ERBB2: variants seen among roughly 807,000 people sequenced by gnomAD.
ERBB2 encodes the protein receptor tyrosine-protein kinase erbB-2.
A neutral mutation model predicts 149.0 loss-of-function variants in ERBB2; 61 were observed. That is an observed-to-expected ratio of 0.41 (90% CI 0.33 to 0.51). The LOEUF is 0.51. Among genes scored for constraint, ERBB2 ranks in the 20% least tolerant of loss-of-function variants. The pLI is 0.25. For synonymous variants in ERBB2, 633 were observed against 678.8 expected, an observed-to-expected ratio of 0.93 and a Z score of 1.05; for missense variants, 1,205 against 1,655.1, an observed-to-expected ratio of 0.73 and a Z score of 4.72.
In ERBB2 at chr17:39,715,309, C is replaced by G; in HGVS notation, c.1172C>G (p.Pro391Arg). Residue 391 changes from proline (P) to arginine (R), a missense_variant, in exon 10 of 27, where the codon CCG (proline) becomes CGG (arginine). Physicochemically the swap from Pro to Arg is moderately radical, Grantham distance 103. Transcript: ENST00000269571. ...AGGGACCCAGCCTCCAACACTGCCC[C>G]GCTCCAGCCAGAGCAGCTCCAAGTG... ...FDGDPASNTAPLQPEQLQVFE... is the reference protein window; with the variant it reads ...FDGDPASNTARLQPEQLQVFE... 2 of 1,614,016 alleles carry G rather than the reference C, an allele frequency of 1.2e-6. No individual in the cohort carries two copies. The highest frequency in any genetic ancestry group is 1.7e-6 in the Non-Finnish European group (2 of 1,179,934).
rs763193414 is a variant in ERBB2, at chr17:39,707,034, G to A, written c.118G>A (p.Glu40Lys). ...DMKLRLPASP[E>K]THLDMLRHLY... Reference sequence around the variant, plus strand: ...GAAGCTGCGGCTCCCTGCCAGTCCCGAGACCCACCTGGACATGCTCCGCCA... The same window carrying A: ...GAAGCTGCGGCTCCCTGCCAGTCCCAAGACCCACCTGGACATGCTCCGCCA... Residue 40 changes from glutamate (E) to lysine (K), a missense_variant, in exon 2 of 27, where the codon GAG becomes AAG. By Grantham distance (56) the Glu-to-Lys change is moderately conservative. Around this residue, in one of 6 missense-constraint regions of ERBB2, gnomAD observed 101 missense variants for 95.1 expected, o/e 1.06. Transcript: ENST00000269571. 2.6e-5 allele frequency: 41 copies of A among 1,604,298 alleles called. No homozygotes were observed. Among genetic ancestry groups the A allele is most frequent in the Non-Finnish European group, 3.3e-5 (39 of 1,175,658 alleles).
At chr17:39,688,123 A>G (rs967780100) in exon 1 of ERBB2, 9 of 1,063,624 alleles carry the variant, frequency 8.5e-6, no homozygotes, top group Non-Finnish European at 1.1e-5. Context: ...GCTGAAGTCC[A>G]CACAGTTTAA....
chr17:39,715,913 C>T lies in ERBB2; in HGVS notation c.1487C>T (p.Thr496Ile), dbSNP rs767978749. 5.0e-6 allele frequency: 8 copies of T among 1,611,292 alleles called. No homozygotes were observed. The Admixed American group carries it at 1.3e-4, about 27-fold the overall frequency. Residue 496 changes from threonine to isoleucine, a missense_variant, in exon 12 of 27, where the codon ACT (threonine) becomes ATT (isoleucine). Thr to Ile is a moderately conservative substitution (Grantham distance 89). This residue lies in a region of ERBB2 where 569 missense variants were observed against 803.5 expected (regional missense o/e 0.71). Coordinates refer to ENST00000269571, the MANE Select transcript of ERBB2 (RefSeq NM_004448.4). Reference sequence around the variant, plus strand: ...AACCCGCACCAAGCTCTGCTCCACACTGCCAACCGGCCAGAGGACGAGTGT... The same window carrying T: ...AACCCGCACCAAGCTCTGCTCCACATTGCCAACCGGCCAGAGGACGAGTGT... ...FRNPHQALLH[T>I]ANRPEDECVG...
chr17:39,723,909 C>G lies in ERBB2; in HGVS notation c.2209-3C>G. 1 of 1,612,522 alleles carries G rather than the reference C, an allele frequency of 6.2e-7. No homozygotes were observed. The highest frequency in any genetic ancestry group is 8.5e-7 in the Non-Finnish European group (1 of 1,178,646). On this transcript the variant is annotated splice_polypyrimidine_tract_variant and splice_region_variant and intron_variant, in intron 18 of 26. Coordinates refer to ENST00000269571, the MANE Select transcript of ERBB2 (RefSeq NM_004448.4). The surrounding 1 kb of genome is among the most constrained non-coding windows in gnomAD (Gnocchi z 6.2). ...TCACTCATATCCTCCTCTTTCTGCC[C>G]AGGGCATCTGGATCCCTGATGGGGA...
At chr17:39,689,078 C>T (rs1293879280) in intron 2 of ERBB2, among the ~76,000 whole-genome samples, 1 of 152,188 alleles carries the variant, frequency 6.6e-6, no homozygotes, top group Non-Finnish European at 1.5e-5. Flanking sequence ...TCCTCCCCCA[C>T]TCTCCTCACC....
At chr17:39,695,566 T>C (rs2057838590), upstream of ERBB2, among the ~76,000 whole-genome samples, 1 of 152,108 alleles carries the variant, frequency 6.6e-6, no homozygotes, top group Non-Finnish European at 1.5e-5. Context: ...CTCAAGGCAC[T>C]GTGGGGTAGG....
Position 39,710,472 on chromosome 17 carries a change from GC to G in ERBB2, c.894del (p.Cys299ValfsTer24). The G allele has an allele frequency of 6.2e-7, 1 of 1,613,942 alleles. No homozygotes were observed. The highest frequency in any genetic ancestry group is 8.5e-7 in the Non-Finnish European group (1 of 1,180,044). Reference protein sequence around the residue: ...RYTFGASCVTACPYNYLSTDV... With the variant: ...RYTFGASCVTXCPYNYLSTDV... ...TACATTCGGCGCCAGCTGTGTGACT[GC>G]CTGTCCCTGTGAGTGCCAGGGAGAA... On this transcript the variant is annotated frameshift_variant, in exon 7 of 27. Coordinates refer to ENST00000269571, the MANE Select transcript of ERBB2 (RefSeq NM_004448.4). LOFTEE classifies it high-confidence loss of function.
At chr17:39,712,770 AAT>A (rs2145587803) in intron 9 of ERBB2, among the ~76,000 whole-genome samples, 1 of 152,356 alleles carries the variant, frequency 6.6e-6, no homozygotes, top group South Asian at 2.1e-4. Flanking sequence ...TAGGTGAAGG[AAT>A]AAACAAGTGG....
intron 3 of ERBB2, among the ~76,000 whole-genome samples, chr17:39,708,874 T>C (rs2058625255): frequency 6.6e-6 from 1 of 152,186 alleles, no homozygotes; most frequent in Non-Finnish European, 1.5e-5. Context: ...TTTGCCCGCA[T>C]GGCCCATTTC....
chr17:39,708,267 CCCTGGGGGGT>C, intron 2 of ERBB2, 44 bp from the exon 3 acceptor site: 2 of 1,464,326 alleles, frequency 1.4e-6, no homozygotes, highest in Non-Finnish European at 1.9e-6. Context: ...CCCAGGGAGG[CCCTGGGGGGT>C]GGCAGTGTTC....
chr17:39,706,656 T>C (rs1289326410), intron 1 of ERBB2: 1 of 228,248 alleles, frequency 4.4e-6, no homozygotes, highest in East Asian at 8.1e-5. Context: ...TGCCCTGAGT[T>C]GTGCCTTTGG....
chr17:39,691,108 G>T (rs1468003223), upstream of ERBB2, among the ~76,000 whole-genome samples: 2 of 151,952 alleles, frequency 1.3e-5, no homozygotes, highest in African/African-American at 2.4e-5. Context: ...ATCAAAATTG[G>T]TAGAGAGTCT....
At position 39,726,255 on chromosome 17, in the gene ERBB2, G is replaced by C. The variant is rs2059751831; in HGVS notation, c.2873-307G>C. 2.2e-6 allele frequency: 1 copy of C among 447,180 alleles called. No homozygotes were observed. The highest frequency in any genetic ancestry group is 2.7e-5 in the South Asian group (1 of 36,378). 27.7% of individuals were successfully genotyped at this position (447,180 alleles called of 1,614,324 possible). On this transcript the variant is annotated intron_variant, in intron 23 of 26. Coordinates refer to ENST00000269571, the MANE Select transcript of ERBB2 (RefSeq NM_004448.4). The surrounding 1 kb of genome is among the most constrained non-coding windows in gnomAD (Gnocchi z 5.1). ...AGAGGCTGAGGCAGGAAGATCACTT[G>C]AGCCTAGTTTAAGGTTGCAGTAAGC...
upstream of ERBB2, chr17:39,696,901 G>C (rs1038035600): frequency 2.6e-5 from 4 of 152,446 alleles, no homozygotes; most frequent in African/African-American, 9.6e-5. Context: ...CTCTAAGGCT[G>C]CCTGCACACT....
At chr17:39,699,295 A>G (rs909680746), upstream of ERBB2, among the ~76,000 whole-genome samples, 10 of 152,220 alleles carry the variant, frequency 6.6e-5, no homozygotes, top group East Asian at 1.7e-3. Context: ...CCCTGTCTTT[A>G]CTAAAAATAC....
upstream of ERBB2, chr17:39,696,896 A>G (rs2057874998): frequency 6.6e-6 from 1 of 152,324 alleles, no homozygotes; most frequent in Non-Finnish European, 1.5e-5. Context: ...ATGGCCTCTA[A>G]GGCTGCCTGC....
At position 39,726,480 on chromosome 17, in the gene ERBB2, C is replaced by A; in HGVS notation, c.2873-82C>A. 8.5e-7 allele frequency: 1 copy of A among 1,179,810 alleles called. No homozygotes were observed. Among genetic ancestry groups the A allele is most frequent in the Non-Finnish European group, 1.3e-6 (1 of 795,888 alleles). The allele number at this position is 1,179,810 out of a possible 1,614,324, so 73.1% of individuals were successfully genotyped here. Reference sequence around the variant, plus strand: ...GGCTGTCCCTTGGGACTGTCTAGACCAGACTGGAGGGGGAGTGGGAGGGGA... The same window carrying A: ...GGCTGTCCCTTGGGACTGTCTAGACAAGACTGGAGGGGGAGTGGGAGGGGA... On this transcript the variant is annotated intron_variant, in intron 23 of 26. Transcript: ENST00000269571. The surrounding 1 kb of genome is among the most constrained non-coding windows in gnomAD (Gnocchi z 5.1).
At position 39,723,549 on chromosome 17, in the gene ERBB2, G is replaced by A. The variant is rs1002911818; in HGVS notation, c.2097G>A (p.Pro699=). ...CCCCCTCACCCCAGCTGGTGGAGCCGCTGACACCTAGCGGAGCGATGCCCA... is the reference window on the plus strand; with the variant it reads ...CCCCCTCACCCCAGCTGGTGGAGCCACTGACACCTAGCGGAGCGATGCCCA... The part of the protein sequence containing the change: ...RLLQETELVE[P]LTPSGAMPNQ... The change falls in exon 18 of 27, where the codon CCG becomes CCA. Residue 699 remains proline (P), a synonymous_variant. Transcript: ENST00000269571. This position sits in a 1 kb window ranked among gnomAD's most constrained non-coding sequence, Gnocchi z 6.2. 3 of 1,612,132 alleles carry A rather than the reference G, an allele frequency of 1.9e-6. No individual in the cohort carries two copies. Among genetic ancestry groups the A allele is most frequent in the Admixed American group, 1.7e-5 (1 of 59,636 alleles).
intron 9 of ERBB2, among the ~76,000 whole-genome samples, chr17:39,712,733 A>AT (rs981745325): frequency 6.6e-6 from 1 of 152,238 alleles, no homozygotes; most frequent in African/African-American, 2.4e-5. Flanking sequence ...ATATCCCCAA[A>AT]TTGGAAATAA....
Sources: allele counts gnomAD v4.1 joint callset (sites outside exome capture counted in the v4.1 genomes callset), GRCh38; gene constraint gnomAD v4.1.1; regional missense constraint gnomAD v4.1.1; non-coding constraint Gnocchi (gnomAD v3.1); transcripts MANE v1.5; gene names NCBI Gene and HGNC (gene_info 2026-07-23, HGNC 2026-07-21).